Variants in PDE11A observed in about 807,000 individuals in gnomAD.
PDE11A encodes dual 3',5'-cyclic-AMP and -GMP phosphodiesterase 11A.
Under a neutral mutation model 100.5 loss-of-function variants are expected in PDE11A, and 100 were observed. The ratio of observed to expected loss-of-function variants is 1.00; its 90% confidence interval spans 0.85 to 1.18. PDE11A has a LOEUF of 1.18. PDE11A is among the 50% of genes most tolerant of loss of function. The pLI is 0.00. For missense variants in PDE11A, 1,141 were observed against 1,152.6 expected (o/e 0.99, Z 0.15); for synonymous variants, 381 against 420.8 (o/e 0.91, Z 1.16).
At chr2:177,857,210 T>G (rs552427797) in intron 5 of PDE11A, among the ~76,000 whole-genome samples, 1 of 151,952 alleles carries the variant, frequency 6.6e-6, no homozygotes, top group East Asian at 1.9e-4. Context: ...AAACTATACT[T>G]CAAAAATGAA....
At chr2:178,033,291 A>T (rs149552614) in intron 1 of PDE11A, among the ~76,000 whole-genome samples, 95 of 152,336 alleles carry the variant, frequency 6.2e-4, no homozygotes, top group African/African-American at 2.2e-3. Context: ...AGTGGGAGAA[A>T]GAATATCAGA....
At chr2:177,738,086 G>A (rs1424187031) in intron 10 of PDE11A, among the ~76,000 whole-genome samples, 1 of 152,178 alleles carries the variant, frequency 6.6e-6, no homozygotes, top group East Asian at 1.9e-4. Flanking sequence ...TCCAAGATCA[G>A]GTAATATAGG....
intron 12 of PDE11A, among the ~76,000 whole-genome samples, chr2:177,721,002 A>G (rs775123480): frequency 1.3e-5 from 2 of 152,150 alleles, no homozygotes; most frequent in Non-Finnish European, 2.9e-5. Flanking sequence ...GTCCAGTACA[A>G]TTACATATGT....
At chr2:177,937,420 C>T (rs752896224) in intron 2 of PDE11A, among the ~76,000 whole-genome samples, 3 of 147,928 alleles carry the variant, frequency 2.0e-5, no homozygotes, top group South Asian at 2.1e-4. Context: ...TGGGTTCATG[C>T]GATTCTCCTG....
chr2:178,030,933 C>T (rs777012588), intron 1 of PDE11A, among the ~76,000 whole-genome samples: 1 of 151,884 alleles, frequency 6.6e-6, no homozygotes, highest in Non-Finnish European at 1.5e-5. Context: ...ACCCTAAAAA[C>T]CAAAATTTTT....
At chr2:177,945,793 C>G (rs866415601) in intron 2 of PDE11A, among the ~76,000 whole-genome samples, 7 of 150,160 alleles carry the variant, frequency 4.7e-5, no homozygotes, top group African/African-American at 1.5e-4. Flanking sequence ...GTCAGCCCCC[C>G]CGCCCGGCCA....
At chr2:177,816,762 G>T in intron 9 of PDE11A, 67 bp downstream of exon 9, 1 of 886,158 alleles carries the variant, frequency 1.1e-6, no homozygotes, top group South Asian at 1.3e-5. Context: ...CCCATAACCA[G>T]GGAAATTTTT....
chr2:177,785,170 C>T (rs1382176882), intron 9 of PDE11A, among the ~76,000 whole-genome samples: 2 of 152,112 alleles, frequency 1.3e-5, no homozygotes, highest in Non-Finnish European at 2.9e-5. Flanking sequence ...TCAGTTTCCT[C>T]ATCAGTAAAA....
intron 2 of PDE11A, among the ~76,000 whole-genome samples, chr2:177,987,023 A>C (rs1040282246): frequency 6.6e-6 from 1 of 152,156 alleles, no homozygotes; most frequent in Non-Finnish European, 1.5e-5. Flanking sequence ...CTGCAACTAC[A>C]TCCTTCAATG....
chr2:177,721,700 C>T (rs2081530697), intron 12 of PDE11A, among the ~76,000 whole-genome samples: 1 of 151,908 alleles, frequency 6.6e-6, no homozygotes, highest in African/African-American at 2.4e-5. Context: ...GATAAATTAC[C>T]AGTGAACTGC....
At chr2:177,750,340 T>C (rs1319088226) in intron 10 of PDE11A, among the ~76,000 whole-genome samples, 3 of 152,262 alleles carry the variant, frequency 2.0e-5, no homozygotes, top group Admixed American at 6.5e-5. Context: ...GAAATATACA[T>C]TACTGTAATT....
intron 19 of PDE11A, among the ~76,000 whole-genome samples, chr2:177,656,824 G>A (rs1360976927): frequency 6.6e-6 from 1 of 152,216 alleles, no homozygotes; most frequent in Non-Finnish European, 1.5e-5. Flanking sequence ...TGAGAGCGAG[G>A]AGGCATAGGC....
At chr2:177,807,664 G>A (rs1438624526) in intron 9 of PDE11A, among the ~76,000 whole-genome samples, 1 of 152,156 alleles carries the variant, frequency 6.6e-6, no homozygotes, top group Non-Finnish European at 1.5e-5. Flanking sequence ...GGGCTCAAGT[G>A]ATCCTCCTGC....
At chr2:177,821,603 T>C (rs1278854928) in intron 6 of PDE11A, among the ~76,000 whole-genome samples, 7 of 151,868 alleles carry the variant, frequency 4.6e-5, no homozygotes, top group African/African-American at 2.4e-5. Context: ...AGAGTTCCAG[T>C]TGATTTATAT....
At chr2:178,030,166 A>C (rs2086526670) in intron 1 of PDE11A, among the ~76,000 whole-genome samples, 1 of 152,224 alleles carries the variant, frequency 6.6e-6, no homozygotes. Flanking sequence ...AGGAGAGAAA[A>C]AAAAGAGAGA....
At chr2:177,737,436 C>T (rs1305486404) in intron 10 of PDE11A, among the ~76,000 whole-genome samples, 6 of 147,364 alleles carry the variant, frequency 4.1e-5, no homozygotes, top group Non-Finnish European at 4.5e-5. Context: ...CACACATACA[C>T]ACACACACAC....
Position 177,669,488 on chromosome 2 carries a change from C to G in PDE11A, c.2562+5G>C, listed in dbSNP as rs2080642646. On this transcript the variant is annotated splice_donor_5th_base_variant and intron_variant, in intron 18 of 19. Transcript: ENST00000286063. ...AAATACGTTATAATTAAAGGATGAA[C>G]TCACTGAAGGAGTGAGTTTGAGCTC... 1 of 1,133,560 alleles carries G rather than the reference C, an allele frequency of 8.8e-7. No homozygotes were observed. The highest frequency in any genetic ancestry group is 1.3e-6 in the Non-Finnish European group (1 of 741,276). 70.2% of individuals were successfully genotyped at this position (1,133,560 alleles called of 1,614,324 possible). A position where few individuals can be genotyped will look rare whatever the true frequency, so the allele number is the denominator to read the frequency against.
chr2:177,680,814 G>C lies in PDE11A; in HGVS notation c.2423+12C>G. On this transcript the variant is annotated intron_variant, in intron 16 of 19. Transcript: ENST00000286063. ...ATAATGAAGAAACACATAAACAAGA[G>C]CTTTTTCTTACCGAAATATATCACG... is the stretch of plus-strand genomic sequence containing the variant. 6.9e-7 allele frequency: 1 copy of C among 1,457,488 alleles called. No homozygotes were observed. 90.3% of individuals were successfully genotyped at this position (1,457,488 alleles called of 1,614,324 possible). A position where few individuals can be genotyped will look rare whatever the true frequency, so the allele number is the denominator to read the frequency against.
chr2:177,898,119 G>T lies in PDE11A; in HGVS notation c.1241C>A (p.Ala414Asp), dbSNP rs1358443920. ...EKIVKKIMHR[A>D]QTLLKCERCS... Reference sequence around the variant, plus strand: ...GCGTTCACATTTCAGCAGAGTTTGGGCCCGATGCATTATTTTCTTGACAAT... The same window carrying T: ...GCGTTCACATTTCAGCAGAGTTTGGTCCCGATGCATTATTTTCTTGACAAT... Residue 414 changes from alanine to aspartate, a missense_variant, in exon 4 of 20, where the codon GCC (alanine) becomes GAC (aspartate). Transcript: ENST00000286063. The T allele has an allele frequency of 1.4e-5, 22 of 1,611,106 alleles. No individual in the cohort carries two copies. Among genetic ancestry groups the T allele is most frequent in the Non-Finnish European group, 1.5e-5 (18 of 1,177,294 alleles).
Sources: gnomAD v4.1 joint callset for allele counts (sites outside exome capture counted in the v4.1 genomes callset) on GRCh38, gnomAD v4.1.1 for gene constraint, MANE v1.5 for transcripts, NCBI Gene and HGNC (gene_info 2026-07-23, HGNC 2026-07-21) for gene names.